The following SPMAP2L variants were observed in gnomAD, a reference collection of about 807,000 sequenced individuals.
SPMAP2L encodes the protein sperm microtubule associated protein 2-like.
At chr4:56,615,964 G>T in the SPMAP2L span, among the ~76,000 whole-genome samples, 10 of 152,096 alleles carry the variant, frequency 6.6e-5, no homozygotes, top group African/African-American at 2.4e-4. Context: ...TCACTCAAAG[G>T]ACTTGTTAAA....
chr4:56,553,237 C>T, the SPMAP2L span, among the ~76,000 whole-genome samples: 1 of 113,838 alleles, frequency 8.8e-6, no homozygotes, highest in African/African-American at 3.4e-5. Flanking sequence ...GTTTCTCAGG[C>T]TGGAGTGCTG....
chr4:56,563,956 G>A, the SPMAP2L span, among the ~76,000 whole-genome samples: 1 of 152,062 alleles, frequency 6.6e-6, no homozygotes, highest in Non-Finnish European at 1.5e-5. Flanking sequence ...AATATTTAGT[G>A]GAATTCTCCA....
At chr4:56,596,746 T>C in the SPMAP2L span, 1 of 1,173,390 alleles carries the variant, frequency 8.5e-7, no homozygotes, top group South Asian at 2.1e-5. Context: ...CTGGGAAGAG[T>C]GGTCTGTGGC....
the SPMAP2L span, among the ~76,000 whole-genome samples, chr4:56,621,304 CTTTATT>C: frequency 0.15 from 22,249 of 152,096 alleles, 1,933 homozygotes; most frequent in Middle Eastern, 0.24. Context: ...CTCTCATACT[CTTTATT>C]TATTCCTATG....
the SPMAP2L span, among the ~76,000 whole-genome samples, chr4:56,615,054 T>G: frequency 6.6e-6 from 1 of 152,208 alleles, no homozygotes; most frequent in African/African-American, 2.4e-5. Context: ...GAGAGGGGCA[T>G]TGCACATGCC....
chr4:56,568,554 G>C, the SPMAP2L span, among the ~76,000 whole-genome samples: 2 of 152,170 alleles, frequency 1.3e-5, no homozygotes, highest in African/African-American at 4.8e-5. Context: ...TAGTATAAAA[G>C]TATAGTGGCT....
chr4:56,536,365 T>C, the SPMAP2L span, among the ~76,000 whole-genome samples: 1 of 152,244 alleles, frequency 6.6e-6, no homozygotes, highest in Admixed American at 6.5e-5. Context: ...CTTTCTCCTC[T>C]GCCAGGGCAC....
chr4:56,597,799 C>T, the SPMAP2L span, among the ~76,000 whole-genome samples: 1 of 152,140 alleles, frequency 6.6e-6, no homozygotes, highest in Non-Finnish European at 1.5e-5. Context: ...ATGCAGAACA[C>T]TTTCAAGACT....
chr4:56,596,614 G>A, the SPMAP2L span: 1 of 1,526,646 alleles, frequency 6.6e-7, no homozygotes, highest in South Asian at 1.2e-5. Flanking sequence ...ACAAAGAAGT[G>A]AACTGCCCAT....
chr4:56,594,831 AC>A, the SPMAP2L span: 1 of 1,587,296 alleles, frequency 6.3e-7, no homozygotes, highest in Non-Finnish European at 8.6e-7. Flanking sequence ...GGATAGGTCT[AC>A]CTAGACGGGG....
At chr4:56,581,484 G>A in the SPMAP2L span, among the ~76,000 whole-genome samples, 1 of 151,760 alleles carries the variant, frequency 6.6e-6, no homozygotes, top group Non-Finnish European at 1.5e-5. Flanking sequence ...GCTGGGCATG[G>A]TGGCACAAGC....
At chr4:56,603,911 C>T in the SPMAP2L span, among the ~76,000 whole-genome samples, 3 of 152,186 alleles carry the variant, frequency 2.0e-5, no homozygotes, top group Admixed American at 1.3e-4. Flanking sequence ...TGTTCCTTTA[C>T]TCATGCCAGA....
the SPMAP2L span, among the ~76,000 whole-genome samples, chr4:56,560,204 G>A: frequency 6.6e-6 from 1 of 152,250 alleles, no homozygotes; most frequent in South Asian, 2.1e-4. Context: ...TAGAATTAAA[G>A]ACACTGTAGA....
the SPMAP2L span, among the ~76,000 whole-genome samples, chr4:56,580,676 C>A: frequency 1.3e-5 from 2 of 150,634 alleles, no homozygotes; most frequent in Non-Finnish European, 1.5e-5. Context: ...GCATCCAGAT[C>A]GGATAGAGAG....
At chr4:56,567,261 C>CTTTAATAATATTTTTT in the SPMAP2L span, among the ~76,000 whole-genome samples, 1 of 150,936 alleles carries the variant, frequency 6.6e-6, no homozygotes, top group Non-Finnish European at 1.5e-5. Context: ...GGAGGACTTT[C>CTTTAATAATATTTTTT]TTTAATAATA....
At chr4:56,584,684 G>T in the SPMAP2L span, 3 of 1,026,548 alleles carry the variant, frequency 2.9e-6, no homozygotes, top group Non-Finnish European at 4.3e-6. Flanking sequence ...TTTTCTAGAT[G>T]TGTTTTCCTT....
At chr4:56,533,985 AAAC>A in the SPMAP2L span, among the ~76,000 whole-genome samples, 1 of 152,006 alleles carries the variant, frequency 6.6e-6, no homozygotes, top group African/African-American at 2.4e-5. Flanking sequence ...CCAACTAACC[AAAC>A]AACAACAACG....
the SPMAP2L span, chr4:56,531,120 C>A: frequency 1.3e-6 from 2 of 1,535,380 alleles, no homozygotes; most frequent in Non-Finnish European, 1.7e-6. Context: ...TGATCTCCCC[C>A]TCTCTGATCA....
At chr4:56,577,152 C>G in the SPMAP2L span, among the ~76,000 whole-genome samples, 1 of 150,358 alleles carries the variant, frequency 6.7e-6, no homozygotes, top group Non-Finnish European at 1.5e-5. Context: ...CGCCTGTAAT[C>G]CCAGCACTTT....
Sources: allele counts gnomAD v4.1 joint callset (sites outside exome capture counted in the v4.1 genomes callset), GRCh38; gene constraint gnomAD v4.1.1; transcripts MANE v1.5; gene names NCBI Gene and HGNC (gene_info 2026-07-23, HGNC 2026-07-21).